The following PRDM1 variants were observed in gnomAD, a reference collection of about 807,000 sequenced individuals.
PRDM1 encodes PR/SET domain 1, also known as PR domain zinc finger protein 1.
PRDM1 carries 13 observed loss-of-function variants against 62.8 expected under a neutral mutation model. The observed-to-expected ratio is 0.21, with a 90% CI of 0.13 to 0.33. The LOEUF (loss-of-function observed/expected upper bound fraction) is 0.33. Ranked by LOEUF, PRDM1 falls within the 10% of genes least tolerant of loss-of-function variation. The pLI, the probability that PRDM1 is intolerant of heterozygous loss-of-function variation, is 1.00. For missense variants in PRDM1, 895 were observed against 1,058.8 expected (o/e 0.85, Z 2.15); for synonymous variants, 396 against 417.6 (o/e 0.95, Z 0.63).
rs150724562 is a variant in PRDM1, at chr6:106,013,347, A to G, written c.-67+19708A>G. Among the ~76,000 whole-genome samples the G allele has an allele frequency of 6.1e-3, 658 of 107,432 alleles. 4 individuals are homozygous for G. Among genetic ancestry groups the G allele is most frequent in the African/African-American group, 0.022 (601 of 27,106 alleles). The allele number at this position is 107,432 out of a possible 152,430, so 70.5% of individuals were successfully genotyped here. Reference sequence around the variant, plus strand: ...GAACTTTTCTTTTTTTTTTTTTTTGAGACAGAGTCTCTCTTTGTTGCTCGG... The same window carrying G: ...GAACTTTTCTTTTTTTTTTTTTTTGGGACAGAGTCTCTCTTTGTTGCTCGG... On this transcript the variant is annotated intron_variant, in intron 1 of 6. Coordinates refer to the PRDM1 transcript ENST00000652320.
rs1774608165 is a variant in PRDM1 at position 106,109,113 on chromosome 6, A to AG, written c.*1628dup. ...GGGCAAAAAAAAAAAAAAAAAAAAA[A>AG]GAACACTCCTTTCTGAGACTTTGCT... On this transcript the variant is annotated 3_prime_UTR_variant, in exon 7 of 7. Coordinates refer to ENST00000369096, the MANE Select transcript of PRDM1 (RefSeq NM_001198.4). The AG allele has an allele frequency of 1.5e-5, 3 of 205,806 alleles. No homozygotes were observed. The South Asian group carries it at 5.7e-4, about 39-fold the overall frequency. The allele number at this position is 205,806 out of a possible 1,614,324, so 12.7% of individuals were successfully genotyped here.
intron 1 of PRDM1, among the ~76,000 whole-genome samples, chr6:105,997,115 G>GAA (rs1772357637): frequency 6.6e-6 from 1 of 152,210 alleles, no homozygotes; most frequent in African/African-American, 2.4e-5. Flanking sequence ...CATACTGTAA[G>GAA]GACAGGGGTA....
At chr6:106,027,405 A>AGAC (rs1221851718) in intron 1 of PRDM1, among the ~76,000 whole-genome samples, 2 of 152,232 alleles carry the variant, frequency 1.3e-5, no homozygotes, top group African/African-American at 2.4e-5. Flanking sequence ...GCATTAATTA[A>AGAC]GACTGTAAAT....
At chr6:106,041,782 T>C (rs1773001943) in intron 1 of PRDM1, among the ~76,000 whole-genome samples, 3 of 151,668 alleles carry the variant, frequency 2.0e-5, no homozygotes, top group Admixed American at 6.6e-5. Context: ...GGTAACATGG[T>C]GGCATCGTTC....
At chr6:106,018,456 T>A (rs889547413) in intron 1 of PRDM1, among the ~76,000 whole-genome samples, 5 of 152,224 alleles carry the variant, frequency 3.3e-5, no homozygotes, top group Non-Finnish European at 5.9e-5. Context: ...TCATTCAGAT[T>A]TCCTTAGCTT....
chr6:106,087,588 G>A lies in PRDM1; in HGVS notation c.43-613G>A, dbSNP rs1363602099. ...TGCTGGCAGGATGCAACCCTTTTCAGTCTTCCATGTGAGAGGATGAAAGAG... is the reference window on the plus strand; with the variant it reads ...TGCTGGCAGGATGCAACCCTTTTCAATCTTCCATGTGAGAGGATGAAAGAG... On this transcript the variant is annotated intron_variant, in intron 1 of 6. Transcript: ENST00000369096. 6.5e-5 allele frequency: 15 copies of A among 232,550 alleles called. No homozygotes were observed. The East Asian group carries it at 9.1e-4, about 14-fold the overall frequency. The allele number at this position is 232,550 out of a possible 1,614,324, so 14.4% of individuals were successfully genotyped here.
At chr6:106,084,510 T>G (rs975439345), upstream of PRDM1, among the ~76,000 whole-genome samples, 1 of 152,202 alleles carries the variant, frequency 6.6e-6, no homozygotes, top group South Asian at 2.1e-4. Context: ...CCTTACTCTA[T>G]CATGGTTGAC....
intron 1 of PRDM1, among the ~76,000 whole-genome samples, chr6:105,997,934 A>G (rs1167261776): frequency 6.6e-6 from 1 of 152,246 alleles, no homozygotes. Flanking sequence ...CCCTTCAAAA[A>G]TGTACCTTAA....
intron 4 of PRDM1, among the ~76,000 whole-genome samples, chr6:106,101,783 A>T (rs564604580): frequency 1.3e-5 from 2 of 152,340 alleles, no homozygotes; most frequent in East Asian, 3.9e-4. Flanking sequence ...AAGAATCTCC[A>T]TGAGGGCTTA....
At chr6:106,091,874 C>A (rs140004953) in intron 2 of PRDM1, among the ~76,000 whole-genome samples, 1 of 152,154 alleles carries the variant, frequency 6.6e-6, no homozygotes, top group Non-Finnish European at 1.5e-5. Context: ...GAGGTGATTG[C>A]AGGCTGAAGG....
At chr6:106,037,155 A>G (rs1582434038) in intron 1 of PRDM1, among the ~76,000 whole-genome samples, 2 of 152,246 alleles carry the variant, frequency 1.3e-5, no homozygotes, top group South Asian at 4.1e-4. Context: ...TTGCTTGGAT[A>G]TAGGATTCTT....
intron 1 of PRDM1, among the ~76,000 whole-genome samples, chr6:106,034,533 A>G (rs753236632): frequency 7.9e-5 from 12 of 151,424 alleles, no homozygotes; most frequent in Non-Finnish European, 1.5e-4. Flanking sequence ...AATTTCTACA[A>G]ATTTGTTCAT....
chr6:106,040,044 C>T (rs1252126152), intron 1 of PRDM1, among the ~76,000 whole-genome samples: 2 of 152,364 alleles, frequency 1.3e-5, no homozygotes, highest in East Asian at 3.9e-4. Context: ...ATCACTAAGA[C>T]CAAGGCATTC....
chr6:106,019,854 G>A (rs1772671695), intron 1 of PRDM1, among the ~76,000 whole-genome samples: 1 of 144,584 alleles, frequency 6.9e-6, no homozygotes, highest in South Asian at 2.2e-4. Context: ...TGGTCAAGCT[G>A]GTCTCAAACT....
upstream of PRDM1, among the ~76,000 whole-genome samples, chr6:106,085,981 TG>T (rs1460052364): frequency 7.9e-5 from 12 of 152,172 alleles, no homozygotes; most frequent in Non-Finnish European, 1.6e-4. Context: ...CTTTTGTACC[TG>T]GGGATTTGAG....
rs147363823 is a variant in PRDM1 at position 106,088,388 on chromosome 6, T to G, written c.230T>G (p.Val77Gly). ...WDSGADGGTS[V>G]QAEASLPRNL... ...TCTGGTGCTGATGGCGGTACTTCGG[T>G]TCAGGCGGAGGCATCCTTACCAAGG... is the stretch of plus-strand genomic sequence containing the variant. Residue 77 changes from valine to glycine, a missense_variant, in exon 2 of 7, where the codon GTT becomes GGT. Physicochemically the swap from Val to Gly is moderately radical, Grantham distance 109. Coordinates refer to ENST00000369096, the MANE Select transcript of PRDM1 (RefSeq NM_001198.4). 12 of 1,614,056 alleles carry G rather than the reference T, an allele frequency of 7.4e-6. No homozygotes were observed. Among genetic ancestry groups the G allele is most frequent in the Non-Finnish European group, 8.5e-6 (10 of 1,180,050 alleles).
At chr6:106,023,689 G>A (rs1439057461) in intron 1 of PRDM1, among the ~76,000 whole-genome samples, 1 of 152,118 alleles carries the variant, frequency 6.6e-6, no homozygotes, top group Non-Finnish European at 1.5e-5. Flanking sequence ...CCTTTGGAAC[G>A]GGGCTGGATA....
chr6:106,042,035 A>G (rs1015933096), intron 1 of PRDM1, among the ~76,000 whole-genome samples: 1 of 151,326 alleles, frequency 6.6e-6, no homozygotes, highest in African/African-American at 2.4e-5. Flanking sequence ...CACAAACTCC[A>G]GAACTCAAGT....
chr6:106,057,984 C>A (rs1773290343), intron 1 of PRDM1, among the ~76,000 whole-genome samples: 1 of 152,192 alleles, frequency 6.6e-6, no homozygotes, highest in Non-Finnish European at 1.5e-5. Flanking sequence ...CTAACTTTCC[C>A]ATTTGGGCAG....
Sources: gnomAD v4.1 joint callset for allele counts (sites outside exome capture counted in the v4.1 genomes callset) on GRCh38, gnomAD v4.1.1 for gene constraint, MANE v1.5 for transcripts, NCBI Gene and HGNC (gene_info 2026-07-23, HGNC 2026-07-21) for gene names.